The following ERBB4 variants were observed in gnomAD, a reference collection of about 807,000 sequenced individuals.
The protein encoded by ERBB4 is erb-b2 receptor tyrosine kinase 4, also known as receptor tyrosine-protein kinase erbB-4.
ERBB4 carries 42 observed loss-of-function variants against 158.0 expected under a neutral mutation model. The observed-to-expected ratio is 0.27, with a 90% CI of 0.21 to 0.34. The LOEUF (loss-of-function observed/expected upper bound fraction) is 0.34. ERBB4 is among the 10% of genes least tolerant of loss of function. The probability of loss-of-function intolerance (pLI) is 1.00; values close to 1 mark genes in which losing one functional copy is unlikely to be tolerated. For missense variants in ERBB4, 1,333 were observed against 1,624.1 expected (o/e 0.82, Z 3.08); for synonymous variants, 583 against 558.7 (o/e 1.04, Z -0.61).
At chr2:212,364,899 CTGTG>C (rs758014109) in intron 1 of ERBB4, among the ~76,000 whole-genome samples, 3 of 134,586 alleles carry the variant, frequency 2.2e-5, no homozygotes, top group South Asian at 2.5e-4. Context: ...GTGTGTGCGT[CTGTG>C]TGTGTGTGTG....
intron 12 of ERBB4, among the ~76,000 whole-genome samples, chr2:211,685,456 T>C (rs2072526128): frequency 6.6e-6 from 1 of 152,210 alleles, no homozygotes; most frequent in African/African-American, 2.4e-5. Flanking sequence ...GTCAGTTATT[T>C]CTGAGTTTGT....
intron 1 of ERBB4, among the ~76,000 whole-genome samples, chr2:212,441,551 G>C (rs1452679293): frequency 6.6e-6 from 1 of 152,216 alleles, no homozygotes; most frequent in East Asian, 1.9e-4. Flanking sequence ...TATATAAGTA[G>C]AAACCTGGAG....
chr2:211,429,050 A>G (rs1007896867), intron 21 of ERBB4, among the ~76,000 whole-genome samples: 1 of 152,064 alleles, frequency 6.6e-6, no homozygotes, highest in Non-Finnish European at 1.5e-5. Flanking sequence ...ATAAACAATT[A>G]AAGGTAAAAA....
At chr2:212,148,784 G>T (rs2125623121) in intron 1 of ERBB4, among the ~76,000 whole-genome samples, 1 of 147,030 alleles carries the variant, frequency 6.8e-6, no homozygotes, top group East Asian at 2.0e-4. Context: ...AACAATGATA[G>T]ACTGGATTAA....
intron 3 of ERBB4, among the ~76,000 whole-genome samples, chr2:211,875,697 T>A (rs902365959): frequency 6.6e-6 from 1 of 152,202 alleles, no homozygotes; most frequent in African/African-American, 2.4e-5. Context: ...GGCCTTCACA[T>A]TGACTCATCA....
chr2:211,996,344 C>T (rs920021602), intron 2 of ERBB4, among the ~76,000 whole-genome samples: 1 of 151,318 alleles, frequency 6.6e-6, no homozygotes, highest in African/African-American at 2.4e-5. Context: ...TCTTTAGTAA[C>T]TATTGATACT....
Position 211,444,866 on chromosome 2 carries a change from G to T in ERBB4, c.2488-13766C>A, listed in dbSNP as rs566719557. ...GTAAATGATGTGTTCAGAAAGTACA[G>T]AAAAAGGGACATGTAGCATATTCTG... On this transcript the variant is annotated intron_variant, in intron 20 of 27. Coordinates refer to ENST00000342788, the MANE Select transcript of ERBB4 (RefSeq NM_005235.3). Among the ~76,000 whole-genome samples, 30 of 152,048 alleles carry T rather than the reference G, an allele frequency of 2.0e-4. 1 individual carries two copies. The highest frequency in any genetic ancestry group is 6.7e-4 in the African/African-American group (28 of 41,528).
rs953616918 is a variant in ERBB4 at position 211,697,593 on chromosome 2, C to G, written c.1489+4374G>C. Among the ~76,000 whole-genome samples, 4 of 151,908 alleles carry G rather than the reference C, an allele frequency of 2.6e-5. No homozygotes were observed. In the East Asian group the frequency reaches 7.7e-4, roughly 29 times the overall value. ...CAAATTTAGGAGAAAAAGAACAACT[C>G]CCAAATTAAAAATGAAAAAAGTTCA... On this transcript the variant is annotated intron_variant, in intron 12 of 27. Coordinates refer to ENST00000342788, the MANE Select transcript of ERBB4 (RefSeq NM_005235.3).
At chr2:211,942,097 A>G (rs2080515206) in intron 3 of ERBB4, among the ~76,000 whole-genome samples, 2 of 152,144 alleles carry the variant, frequency 1.3e-5, no homozygotes, top group Non-Finnish European at 2.9e-5. Flanking sequence ...ACATATATTG[A>G]GTCAATGACA....
At chr2:212,214,835 C>A (rs2083049050) in intron 1 of ERBB4, among the ~76,000 whole-genome samples, 1 of 151,524 alleles carries the variant, frequency 6.6e-6, no homozygotes, top group African/African-American at 2.4e-5. Flanking sequence ...TTGTAATAGC[C>A]CCTAAATAGA....
intron 2 of ERBB4, among the ~76,000 whole-genome samples, chr2:212,050,939 C>A (rs750593391): frequency 6.6e-6 from 1 of 152,098 alleles, no homozygotes; most frequent in Non-Finnish European, 1.5e-5. Context: ...AGAAGGTACA[C>A]CTGCAAGCTT....
intron 1 of ERBB4, among the ~76,000 whole-genome samples, chr2:212,331,853 TAAC>T (rs1334151576): frequency 6.6e-6 from 1 of 152,070 alleles, no homozygotes; most frequent in East Asian, 1.9e-4. Context: ...ATTTGACTAA[TAAC>T]AGAATCTTAA....
chr2:211,390,437 C>T (rs2062777211), intron 25 of ERBB4, among the ~76,000 whole-genome samples: 2 of 152,300 alleles, frequency 1.3e-5, no homozygotes, highest in East Asian at 1.9e-4. Flanking sequence ...TGACCTCTTA[C>T]CTTGCAAAAG....
chr2:211,710,880 C>CT (rs1325569483), intron 9 of ERBB4, among the ~76,000 whole-genome samples: 1 of 151,974 alleles, frequency 6.6e-6, no homozygotes, highest in Non-Finnish European at 1.5e-5. Flanking sequence ...CACCGAACCT[C>CT]TTTTTTCTTT....
intron 2 of ERBB4, among the ~76,000 whole-genome samples, chr2:212,084,104 C>A (rs1201816772): frequency 1.3e-5 from 2 of 151,788 alleles, no homozygotes; most frequent in East Asian, 3.9e-4. Flanking sequence ...GCACAATGCT[C>A]CCTCTTCATC....
rs569982833 is a variant in ERBB4, at chr2:211,628,331, A to G, written c.2079+2131T>C. 3.3e-5 allele frequency among the ~76,000 whole-genome samples: 5 copies of G among 152,190 alleles called. No individual in the cohort carries two copies. In the East Asian group the frequency reaches 9.7e-4, roughly 29 times the overall value. The stretch of plus-strand genomic sequence containing the variant: ...TATCCCTCCCCACTTGCCTCACCCC[A>G]CAACAGGCCCCGGTGTGTGATGTTC... On this transcript the variant is annotated intron_variant, in intron 17 of 27. Coordinates refer to ENST00000342788, the MANE Select transcript of ERBB4 (RefSeq NM_005235.3).
chr2:211,559,984 A>T (rs2067341340), intron 20 of ERBB4, among the ~76,000 whole-genome samples: 1 of 152,172 alleles, frequency 6.6e-6, no homozygotes, highest in Admixed American at 6.6e-5. Flanking sequence ...ACTAGGAAAG[A>T]CTCCATAAAT....
chr2:212,087,162 A>AAC (rs1298963602), intron 2 of ERBB4, among the ~76,000 whole-genome samples: 1 of 151,518 alleles, frequency 6.6e-6, no homozygotes, highest in African/African-American at 2.4e-5. Flanking sequence ...TTATGACATC[A>AAC]ACACACACAT....
chr2:212,531,164 C>T (rs931298595), intron 1 of ERBB4, among the ~76,000 whole-genome samples: 8 of 152,144 alleles, frequency 5.3e-5, no homozygotes, highest in African/African-American at 1.9e-4. Context: ...CCACTTTCAT[C>T]TCCAATTTCT....
Sources: gnomAD v4.1 joint callset for allele counts (sites outside exome capture counted in the v4.1 genomes callset) on GRCh38, gnomAD v4.1.1 for gene constraint, MANE v1.5 for transcripts, NCBI Gene and HGNC (gene_info 2026-07-23, HGNC 2026-07-21) for gene names.